DLGAP2: variants seen among roughly 807,000 people sequenced by gnomAD.
DLGAP2 encodes disks large-associated protein 2.
Under a neutral mutation model 100.3 loss-of-function variants are expected in DLGAP2, and 26 were observed. That is an observed-to-expected ratio of 0.26 (90% CI 0.19 to 0.36). The LOEUF is 0.36. Ranked by LOEUF, DLGAP2 falls within the 10% of genes least tolerant of loss-of-function variation. The pLI, the probability that DLGAP2 is intolerant of heterozygous loss-of-function variation, is 1.00. For synonymous variants in DLGAP2, 886 were observed against 630.1 expected (o/e 1.41, Z -6.08); for missense variants, 1,858 against 1,453.2 (o/e 1.28, Z -4.53).
At chr8:752,078 G>A (rs746430369) in intron 1 of DLGAP2, among the ~76,000 whole-genome samples, 1 of 152,240 alleles carries the variant, frequency 6.6e-6, no homozygotes, top group Non-Finnish European at 1.5e-5. Context: ...CTTCCCTGGT[G>A]TTCACTCACC....
chr8:1,062,707 T>C (rs1007014985), intron 2 of DLGAP2, among the ~76,000 whole-genome samples: 2 of 152,128 alleles, frequency 1.3e-5, no homozygotes, highest in African/African-American at 2.4e-5. Flanking sequence ...CATCTCTTGA[T>C]AGTCGTTGTG....
intron 1 of DLGAP2, among the ~76,000 whole-genome samples, chr8:849,199 A>G (rs12547996): frequency 0.13 from 19,282 of 149,242 alleles, 1,426 homozygotes; most frequent in East Asian, 0.26. Context: ...CTTGTGGTGC[A>G]TGTTCCAGTA....
chr8:1,573,217 G>A (rs1802815195), intron 6 of DLGAP2, among the ~76,000 whole-genome samples: 1 of 137,464 alleles, frequency 7.3e-6, no homozygotes, highest in East Asian at 2.3e-4. Context: ...TGATGAGATG[G>A]AGAGGAGAGA....
rs11984786 is a variant in DLGAP2, at chr8:1,227,429, C to G, written c.74-31422C>G. On this transcript the variant is annotated intron_variant, in intron 2 of 14. Transcript: ENST00000637795. The stretch of plus-strand genomic sequence containing the variant: ...CTTTCTCCGTACATTTACTTTGAGC[C>G]TGTGGCTGTCTTCACATGTGAGATG... 8.3e-3 allele frequency among the ~76,000 whole-genome samples: 1,255 copies of G among 151,304 alleles called. 23 individuals are homozygous for G. The highest frequency in any genetic ancestry group is 0.03 in the African/African-American group (1,216 of 41,186).
chr8:1,331,815 C>A lies in DLGAP2; in HGVS notation c.106+72932C>A, dbSNP rs76000127. ...GTAAATCCAAGCACCTTTCTGGGAT[C>A]TGTGAACAGGCAGGAGCAGAGGGAG... is the stretch of plus-strand genomic sequence containing the variant. On this transcript the variant is annotated intron_variant, in intron 3 of 14. Transcript: ENST00000637795. Among the ~76,000 whole-genome samples, 159 of 152,350 alleles carry A rather than the reference C, an allele frequency of 1.0e-3. 1 individual carries two copies. The highest frequency in any genetic ancestry group is 3.6e-3 in the African/African-American group (150 of 41,582).
At chr8:1,639,082 G>C (rs573572441) in intron 8 of DLGAP2, among the ~76,000 whole-genome samples, 2 of 152,224 alleles carry the variant, frequency 1.3e-5, no homozygotes, top group African/African-American at 2.4e-5. Flanking sequence ...CACAGGTGCC[G>C]AGTAGTTCAG....
chr8:770,687 G>A (rs1005688817), intron 1 of DLGAP2, among the ~76,000 whole-genome samples: 32 of 152,214 alleles, frequency 2.1e-4, no homozygotes, highest in African/African-American at 6.7e-4. Flanking sequence ...TCTGGCTGTG[G>A]GATGTGATTG....
intron 4 of DLGAP2, among the ~76,000 whole-genome samples, chr8:1,522,783 A>G (rs549464991): frequency 1.3e-5 from 2 of 152,312 alleles, no homozygotes; most frequent in Middle Eastern, 3.4e-3. Flanking sequence ...AAATAAATGA[A>G]TCAGGTTAAT....
chr8:1,167,150 G>GA (rs1223195222), intron 2 of DLGAP2, among the ~76,000 whole-genome samples: 6 of 149,932 alleles, frequency 4.0e-5, no homozygotes, highest in Admixed American at 1.3e-4. Flanking sequence ...AGAAGAAAAA[G>GA]AAAAAAACAA....
chr8:1,438,127 CAGGAAGTGCCGG>C (rs1211482702), intron 3 of DLGAP2, among the ~76,000 whole-genome samples: 4 of 152,194 alleles, frequency 2.6e-5, no homozygotes, highest in African/African-American at 9.6e-5. Flanking sequence ...ACTCCTGTCT[CAGGAAGTGCCGG>C]AGGAAGTGCT....
chr8:1,575,042 G>A (rs530277456), intron 6 of DLGAP2, among the ~76,000 whole-genome samples: 20 of 152,148 alleles, frequency 1.3e-4, no homozygotes, highest in South Asian at 4.1e-4. Flanking sequence ...AGGGAGAAAC[G>A]CAATGTTAGG....
At chr8:1,429,996 GCATATATATA>G (rs1287566886) in intron 3 of DLGAP2, among the ~76,000 whole-genome samples, 55 of 2,676 alleles carry the variant, frequency 0.021, 7 homozygotes, top group African/African-American at 0.025. Context: ...GGGGAGAGAT[GCATATATATA>G]CATATATATA....
intron 2 of DLGAP2, among the ~76,000 whole-genome samples, chr8:923,867 C>G (rs1042246335): frequency 6.6e-6 from 1 of 152,218 alleles, no homozygotes. Context: ...GATGCACACT[C>G]AAGTAATTTA....
intron 1 of DLGAP2, among the ~76,000 whole-genome samples, chr8:777,289 C>G (rs1821548958): frequency 6.6e-6 from 1 of 150,734 alleles, no homozygotes; most frequent in South Asian, 2.1e-4. Context: ...ACTGATGGGT[C>G]TTGACTCTTT....
At chr8:1,456,524 G>A (rs967253079) in intron 3 of DLGAP2, among the ~76,000 whole-genome samples, 1 of 152,186 alleles carries the variant, frequency 6.6e-6, no homozygotes, top group Admixed American at 6.5e-5. Context: ...TGTGGTCCCA[G>A]AAAAGGCCCA....
intron 4 of DLGAP2, among the ~76,000 whole-genome samples, chr8:1,547,244 G>A (rs531249349): frequency 3.8e-4 from 58 of 152,308 alleles, no homozygotes; most frequent in Middle Eastern, 3.4e-3. Context: ...GCACTGCTGC[G>A]GGATGGCCCG....
At chr8:1,509,946 G>C (rs1472137060) in intron 4 of DLGAP2, among the ~76,000 whole-genome samples, 1 of 152,174 alleles carries the variant, frequency 6.6e-6, no homozygotes, top group African/African-American at 2.4e-5. Context: ...CGGCCGCGGA[G>C]AGGAGTCGGT....
chr8:1,338,664 C>T (rs946229630), intron 3 of DLGAP2, among the ~76,000 whole-genome samples: 3 of 152,106 alleles, frequency 2.0e-5, no homozygotes, highest in African/African-American at 7.2e-5. Context: ...CTAAAACAAA[C>T]CAAAAACTAA....
At chr8:1,278,507 C>T (rs1799752057) in intron 3 of DLGAP2, among the ~76,000 whole-genome samples, 1 of 152,170 alleles carries the variant, frequency 6.6e-6, no homozygotes, top group Admixed American at 6.5e-5. Flanking sequence ...GCATATCATT[C>T]TGTTTACTTA....
Sources: allele counts gnomAD v4.1 joint callset (sites outside exome capture counted in the v4.1 genomes callset), GRCh38; gene constraint gnomAD v4.1.1; transcripts MANE v1.5; gene names NCBI Gene and HGNC (gene_info 2026-07-23, HGNC 2026-07-21).